VPS8: variants seen among roughly 807,000 people sequenced by gnomAD.
VPS8 encodes VPS8 subunit of CORVET complex.
In VPS8, 129 loss-of-function variants were observed where a neutral mutation model predicts 216.4. The ratio of observed to expected loss-of-function variants is 0.60; its 90% confidence interval spans 0.52 to 0.69. The LOEUF (loss-of-function observed/expected upper bound fraction) is 0.69, where lower values mean the gene tolerates loss of function less well. Ranked by LOEUF, VPS8 falls within the 30% of genes least tolerant of loss-of-function variation. The probability of loss-of-function intolerance (pLI) is 0.00; values close to 1 mark genes in which losing one functional copy is unlikely to be tolerated. For missense variants in VPS8, 1,531 were observed against 1,683.5 expected (o/e 0.91, Z 1.59); for synonymous variants, 571 against 565.4 (o/e 1.01, Z -0.14).
chr3:185,026,953 C>A (rs994202113), intron 46 of VPS8, among the ~76,000 whole-genome samples: 2 of 150,764 alleles, frequency 1.3e-5, no homozygotes, highest in Admixed American at 1.3e-4. Flanking sequence ...TCGTGATCCA[C>A]CCAACTCAGC....
At chr3:184,994,115 AT>A (rs1025161582) in intron 43 of VPS8, 52 bp downstream of exon 43, 123 of 1,325,212 alleles carry the variant, frequency 9.3e-5, no homozygotes, top group Middle Eastern at 1.9e-4. Context: ...GAAAAATGCT[AT>A]TTTTTTTAAT....
intron 35 of VPS8, 26 bp from the exon 36 acceptor site, chr3:184,940,171 G>A: frequency 1.4e-6 from 2 of 1,410,632 alleles, no homozygotes; most frequent in Admixed American, 2.2e-5. Flanking sequence ...ATATTTAATT[G>A]TAATTTTTAT....
At chr3:184,867,958 CA>C (rs368388821) in intron 17 of VPS8, 65 bp from the exon 18 acceptor site, 1 of 1,547,480 alleles carries the variant, frequency 6.5e-7, no homozygotes. Context: ...GGGACTAGGA[CA>C]AATGTATCTC....
Position 184,839,252 on chromosome 3 carries a change from CT to C in VPS8, c.481-443del, listed in dbSNP as rs145804622. On this transcript the variant is annotated intron_variant, in intron 6 of 47. Coordinates refer to ENST00000625842, the MANE Select transcript of VPS8 (RefSeq NM_001009921.3). The stretch of plus-strand genomic sequence containing the variant: ...CTTTTTAGCATTCCTTTTAGTCAGT[CT>C]TTGGTAAGGAAGTGGGTGAGTTTTG... The C allele has an allele frequency of 1.6e-4, 28 of 177,940 alleles. No individual in the cohort carries two copies. The East Asian group carries it at 4.5e-3, about 29-fold the overall frequency. 11.0% of individuals were successfully genotyped at this position (177,940 alleles called of 1,614,324 possible).
intron 1 of VPS8, among the ~76,000 whole-genome samples, chr3:184,815,062 A>T (rs894708156): frequency 6.6e-6 from 1 of 152,184 alleles, no homozygotes; most frequent in Non-Finnish European, 1.5e-5. Flanking sequence ...AGAGTCAGGA[A>T]GGTCCCGGTG....
chr3:184,891,606 T>A (rs1217955742), intron 22 of VPS8, among the ~76,000 whole-genome samples: 1 of 152,214 alleles, frequency 6.6e-6, no homozygotes, highest in African/African-American at 2.4e-5. Context: ...CACAGCTGTG[T>A]AAGTATCACC....
Position 184,936,296 on chromosome 3 carries a change from C to T in VPS8, c.2949C>T (p.His983=). ...AAGCTGCGGAGCTGGTTGCCACCCA[C>T]TTTTCTGGACATATTGAAACGGTCA... is the stretch of plus-strand genomic sequence containing the variant. ...PCKAAELVAT[H]FSGHIETVIK... Residue 983 remains histidine, a synonymous_variant, in exon 35 of 48, where the codon CAC becomes CAT. Coordinates refer to ENST00000625842, the MANE Select transcript of VPS8 (RefSeq NM_001009921.3). 1 of 1,611,904 alleles carries T rather than the reference C, an allele frequency of 6.2e-7. No homozygotes were observed.
At chr3:185,003,026 C>T (rs1269790389) in intron 45 of VPS8, among the ~76,000 whole-genome samples, 1 of 152,170 alleles carries the variant, frequency 6.6e-6, no homozygotes, top group Non-Finnish European at 1.5e-5. Flanking sequence ...AACCTCCATA[C>T]TGTTTTCCAT....
intron 34 of VPS8, 147 bp downstream of exon 34, chr3:184,930,715 A>G: frequency 1.6e-6 from 1 of 610,664 alleles, no homozygotes; most frequent in East Asian, 2.8e-5. Context: ...TCTACCTCAT[A>G]TTTGTATTCA....
intron 40 of VPS8, among the ~76,000 whole-genome samples, chr3:184,973,128 G>T (rs1317675149): frequency 6.6e-6 from 1 of 152,076 alleles, no homozygotes; most frequent in Non-Finnish European, 1.5e-5. Context: ...TTTATTAAAA[G>T]AAACTGTCTG....
At chr3:185,044,583 T>C (rs1196074404) in intron 46 of VPS8, among the ~76,000 whole-genome samples, 2 of 151,988 alleles carry the variant, frequency 1.3e-5, no homozygotes, top group African/African-American at 4.8e-5. Context: ...TTCTTTTTAA[T>C]TGTGGTATCG....
At chr3:184,981,044 A>G (rs1750114205) in intron 40 of VPS8, among the ~76,000 whole-genome samples, 1 of 152,118 alleles carries the variant, frequency 6.6e-6, no homozygotes, top group Non-Finnish European at 1.5e-5. Flanking sequence ...GGGTCAGTCA[A>G]CTGTCTTCAT....
chr3:184,981,334 T>A (rs977925101), intron 40 of VPS8, among the ~76,000 whole-genome samples: 13 of 152,150 alleles, frequency 8.5e-5, no homozygotes, highest in African/African-American at 3.1e-4. Context: ...GTGCACATGC[T>A]TGTGCCAGCA....
At chr3:184,827,172 G>A (rs1718982573) in intron 3 of VPS8, among the ~76,000 whole-genome samples, 1 of 152,212 alleles carries the variant, frequency 6.6e-6, no homozygotes, top group South Asian at 2.1e-4. Flanking sequence ...TTGGGCCTCT[G>A]TCTTTATTAT....
intron 46 of VPS8, among the ~76,000 whole-genome samples, chr3:185,028,630 TTAAA>T (rs1432007862): frequency 6.6e-6 from 1 of 152,150 alleles, no homozygotes; most frequent in Non-Finnish European, 1.5e-5. Context: ...AGTAAAGAGA[TTAAA>T]TAGATTCAAA....
rs956378956 is a variant in VPS8 at position 184,982,549 on chromosome 3, T to A, written c.3421-17T>A. ...TTGACCACTTTTCTTTTTCTTTGAT[T>A]TTCTCTGACATTATAGGCACTTTGG... On this transcript the variant is annotated splice_polypyrimidine_tract_variant and intron_variant, in intron 40 of 47. Transcript: ENST00000625842. 2.5e-5 allele frequency: 39 copies of A among 1,587,246 alleles called. 1 individual carries two copies. The Admixed American group carries it at 5.1e-4, about 21-fold the overall frequency.
chr3:184,994,727 G>A (rs1293652237), intron 43 of VPS8, among the ~76,000 whole-genome samples: 3 of 152,160 alleles, frequency 2.0e-5, no homozygotes, highest in African/African-American at 7.2e-5. Flanking sequence ...AAAATTAAAT[G>A]AGTATTATTT....
chr3:185,023,502 AC>A (rs1235911121), intron 45 of VPS8, among the ~76,000 whole-genome samples: 1 of 152,050 alleles, frequency 6.6e-6, no homozygotes, highest in Non-Finnish European at 1.5e-5. Context: ...TCTACTAAAT[AC>A]AAAAAATTAG....
Position 184,859,983 on chromosome 3 carries a change from A to C in VPS8, c.1144-2A>C. 1 of 1,608,916 alleles carries C rather than the reference A, an allele frequency of 6.2e-7. No homozygotes were observed. The highest frequency in any genetic ancestry group is 8.5e-7 in the Non-Finnish European group (1 of 1,177,336). The stretch of plus-strand genomic sequence containing the variant: ...TTTAGGTTGTTTTTATTTCATCATC[A>C]GGTAAAGAGAGATGAATCTGGAGCA... On this transcript the variant is annotated splice_acceptor_variant, in intron 14 of 47. Transcript: ENST00000625842. LOFTEE classifies it high-confidence loss of function.
Sources: gnomAD v4.1 joint callset for allele counts (sites outside exome capture counted in the v4.1 genomes callset) on GRCh38, gnomAD v4.1.1 for gene constraint, MANE v1.5 for transcripts, NCBI Gene and HGNC (gene_info 2026-07-23, HGNC 2026-07-21) for gene names.